AHI1: variants seen among roughly 807,000 people sequenced by gnomAD.
AHI1 encodes Abelson helper integration site 1, also known as jouberin.
A neutral mutation model predicts 149.3 loss-of-function variants in AHI1; 123 were observed. The observed-to-expected ratio is 0.82, with a 90% confidence interval of 0.71 to 0.96. The LOEUF is 0.96. Ranked by LOEUF, AHI1 falls within the 40% of genes least tolerant of loss-of-function variation. The probability of loss-of-function intolerance (pLI) is 0.00; values close to 1 mark genes in which losing one functional copy is unlikely to be tolerated. For synonymous variants in AHI1, 475 were observed against 459.8 expected, an observed-to-expected ratio of 1.03 and a Z score of -0.42; for missense variants, 1,439 against 1,422.7, an observed-to-expected ratio of 1.01 and a Z score of -0.18.
At position 135,381,470 on chromosome 6, in the gene AHI1, A is replaced by C. The variant is rs113142268; in HGVS notation, c.3109+13306T>G. ...AAGCATAAACTCACTTATTCTCAGA[A>C]TGCCGTAAGATCCTTGGGAGGCAGA... On this transcript the variant is annotated intron_variant, in intron 23 of 28. Transcript: ENST00000265602. 9.3e-3 allele frequency among the ~76,000 whole-genome samples: 1,422 copies of C among 152,316 alleles called. 19 individuals carry two copies. The highest frequency in any genetic ancestry group is 0.032 in the African/African-American group (1,327 of 41,576).
At chr6:135,306,509 AG>A (rs1280684093) in intron 26 of AHI1, among the ~76,000 whole-genome samples, 1 of 152,236 alleles carries the variant, frequency 6.6e-6, no homozygotes, top group Non-Finnish European at 1.5e-5. Flanking sequence ...CTGCTGCTGT[AG>A]AGAATGGGGT....
chr6:135,300,413 G>T, intron 27 of AHI1, 87 bp downstream of exon 27: 4 of 1,280,848 alleles, frequency 3.1e-6, no homozygotes, highest in African/African-American at 1.6e-5. Context: ...GTTTGATAAT[G>T]TTATAAAAAT....
intron 5 of AHI1, among the ~76,000 whole-genome samples, chr6:135,480,652 G>A (rs1288679720): frequency 3.3e-5 from 5 of 152,192 alleles, no homozygotes; most frequent in African/African-American, 9.7e-5. Context: ...TTGCCCTCGT[G>A]GGTGGATTAA....
In AHI1 at chr6:135,489,286, T is replaced by C. The variant is rs527496916; in HGVS notation, c.135+1337A>G. 3.2e-4 allele frequency among the ~76,000 whole-genome samples: 48 copies of C among 152,308 alleles called. No homozygotes were observed. The South Asian group carries it at 6.0e-3, about 19-fold the overall frequency. On this transcript the variant is annotated intron_variant, in intron 5 of 28. Coordinates refer to ENST00000265602, the MANE Select transcript of AHI1 (RefSeq NM_001134831.2). ...ATTATGCTTAGTCACCTCACACTTATGTGCCCCTCAACATTTAAACTGGAC... is the reference window on the plus strand; with the variant it reads ...ATTATGCTTAGTCACCTCACACTTACGTGCCCCTCAACATTTAAACTGGAC...
At chr6:135,488,141 A>G (rs1299803490) in intron 5 of AHI1, among the ~76,000 whole-genome samples, 1 of 152,148 alleles carries the variant, frequency 6.6e-6, no homozygotes, top group Non-Finnish European at 1.5e-5. Context: ...TTAAGATACA[A>G]ACAAAAGAAT....
intron 5 of AHI1, among the ~76,000 whole-genome samples, chr6:135,485,346 A>G (rs1004704755): frequency 1.3e-5 from 2 of 152,194 alleles, no homozygotes; most frequent in East Asian, 3.9e-4. Context: ...AAATGCTAGG[A>G]CTACAAGTGT....
At position 135,495,835 on chromosome 6, in the gene AHI1, CTACT is replaced by C. The variant is rs1222527347; in HGVS notation, c.-80_-77del. 2 of 152,184 alleles carry C rather than the reference CTACT, an allele frequency of 1.3e-5. No individual in the cohort carries two copies. Among genetic ancestry groups the C allele is most frequent in the African/African-American group, 4.8e-5 (2 of 41,444 alleles). The allele number at this position is 152,184 out of a possible 1,614,324, so 9.4% of individuals were successfully genotyped here. A position where few individuals can be genotyped will look rare whatever the true frequency, so the allele number is the denominator to read the frequency against. ...TTACTGATGTGTGGCCTTGGGCAAGCTACTTAATTTCTAATCCTTGGTTTTTCCT... is the reference window on the plus strand; with the variant it reads ...TTACTGATGTGTGGCCTTGGGCAAGCTAATTTCTAATCCTTGGTTTTTCCT... On this transcript the variant is annotated 5_prime_UTR_variant, in exon 3 of 29. An upstream open reading frame in the 5' UTR loses its in-frame stop. Transcript: ENST00000265602.
chr6:135,408,612 A>G (rs557436355), intron 21 of AHI1, among the ~76,000 whole-genome samples: 2 of 152,290 alleles, frequency 1.3e-5, no homozygotes, highest in Non-Finnish European at 2.9e-5. Flanking sequence ...TAGAAAGAAG[A>G]GAGAGGAAGA....
rs2128384630 is a variant in AHI1, at chr6:135,323,234, C to T, written c.3256G>A (p.Glu1086Lys). 6.2e-7 allele frequency: 1 copy of T among 1,613,880 alleles called. No homozygotes were observed. The part of the protein sequence containing the change: ...DIIRVFFKDN[E>K]DWWYGSIGKG... ...CCTATGCTGCCATACCACCAGTCTT[C>T]ATTATCTTTGAAAAACACTCGGATA... Residue 1086 changes from glutamate (E) to lysine (K), a missense_variant, in exon 25 of 29, where the codon GAA becomes AAA. Coordinates refer to ENST00000265602, the MANE Select transcript of AHI1 (RefSeq NM_001134831.2).
chr6:135,333,965 T>C (rs1403745845), intron 24 of AHI1, among the ~76,000 whole-genome samples: 1 of 152,232 alleles, frequency 6.6e-6, no homozygotes, highest in East Asian at 1.9e-4. Flanking sequence ...TGATCACACA[T>C]TAACTGAAAA....
At chr6:135,338,975 T>C (rs900959952) in intron 24 of AHI1, among the ~76,000 whole-genome samples, 3 of 151,058 alleles carry the variant, frequency 2.0e-5, no homozygotes, top group Admixed American at 6.6e-5. Context: ...TTGCCCAGAC[T>C]GGAGCGCAGT....
intron 27 of AHI1, among the ~76,000 whole-genome samples, chr6:135,291,422 T>C (rs1319476562): frequency 6.6e-6 from 1 of 151,452 alleles, no homozygotes; most frequent in African/African-American, 2.5e-5. Context: ...CTAATAAGAC[T>C]AGAGTCCTTA....
At chr6:135,405,972 C>T (rs1379181263) in intron 21 of AHI1, among the ~76,000 whole-genome samples, 1 of 151,064 alleles carries the variant, frequency 6.6e-6, no homozygotes, top group Non-Finnish European at 1.5e-5. Context: ...TAGTACAGTG[C>T]TAGTGAAAAA....
At chr6:135,392,339 C>T (rs148276535) in intron 23 of AHI1, among the ~76,000 whole-genome samples, 4 of 152,236 alleles carry the variant, frequency 2.6e-5, no homozygotes, top group East Asian at 3.9e-4. Flanking sequence ...TAGCAGTCTC[C>T]GTTACCTAGA....
intron 23 of AHI1, among the ~76,000 whole-genome samples, chr6:135,390,190 A>G (rs1778281796): frequency 1.3e-5 from 2 of 152,196 alleles, no homozygotes; most frequent in African/African-American, 4.8e-5. Flanking sequence ...AGATAAAATA[A>G]CATAGAATAA....
At chr6:135,301,659 A>C in intron 26 of AHI1, 1 of 985,474 alleles carries the variant, frequency 1.0e-6, no homozygotes, top group Non-Finnish European at 1.2e-6. Flanking sequence ...TAAAAACAAG[A>C]ATTAAAGAGC....
At chr6:135,376,729 A>G (rs1775973191) in intron 23 of AHI1, among the ~76,000 whole-genome samples, 1 of 151,754 alleles carries the variant, frequency 6.6e-6, no homozygotes, top group Admixed American at 6.6e-5. Flanking sequence ...TAAAAATACA[A>G]AAATTAGCTG....
intron 4 of AHI1, 129 bp from the exon 5 acceptor site, chr6:135,490,876 C>G: frequency 2.7e-6 from 3 of 1,128,258 alleles, no homozygotes; most frequent in Non-Finnish European, 3.7e-6. Context: ...TAGAAAAACT[C>G]ACCTATCTTT....
In AHI1 at chr6:135,468,614, G is replaced by T. The variant is rs377663456; in HGVS notation, c.136-980C>A. Among the ~76,000 whole-genome samples, 142 of 152,044 alleles carry T rather than the reference G, an allele frequency of 9.3e-4. 2 individuals are homozygous for T. Among genetic ancestry groups the T allele is most frequent in the African/African-American group, 3.0e-3 (126 of 41,502 alleles). Reference sequence around the variant, plus strand: ...AGCTACGTGGGAGGCTGAGGCACAAGAATCACTTAAGAGAAGAATCAAATA... The same window carrying T: ...AGCTACGTGGGAGGCTGAGGCACAATAATCACTTAAGAGAAGAATCAAATA... On this transcript the variant is annotated intron_variant, in intron 5 of 28. Coordinates refer to ENST00000265602, the MANE Select transcript of AHI1 (RefSeq NM_001134831.2).
Sources: gnomAD v4.1 joint callset for allele counts (sites outside exome capture counted in the v4.1 genomes callset) on GRCh38, gnomAD v4.1.1 for gene constraint, MANE v1.5 for transcripts, NCBI Gene and HGNC (gene_info 2026-07-23, HGNC 2026-07-21) for gene names.